MITD1: variants seen among roughly 807,000 people sequenced by gnomAD.
MITD1 encodes MIT domain-containing protein 1.
In MITD1, 24 loss-of-function variants were observed where a neutral mutation model predicts 34.9. That is an observed-to-expected ratio of 0.69 (90% CI 0.50 to 0.97). MITD1 has a LOEUF of 0.97. Ranked by LOEUF, MITD1 falls within the 50% of genes least tolerant of loss-of-function variation. The pLI is 0.00. For missense variants in MITD1, 266 were observed against 294.6 expected (o/e 0.90, Z 0.71); for synonymous variants, 102 against 101.4 (o/e 1.01, Z -0.04).
intron 1 of MITD1, among the ~76,000 whole-genome samples, chr2:99,174,873 G>C (rs2105223797): frequency 6.6e-6 from 1 of 152,216 alleles, no homozygotes; most frequent in Middle Eastern, 3.4e-3. Context: ...TTACAGGCGT[G>C]AGCCACCGTG....
chr2:99,165,607 T>C (rs1332040506), downstream of MITD1, among the ~76,000 whole-genome samples: 1 of 152,208 alleles, frequency 6.6e-6, no homozygotes, highest in Non-Finnish European at 1.5e-5. Flanking sequence ...ACTTTTATAA[T>C]TCATCTAAAG....
At position 99,181,046 on chromosome 2, in the gene MITD1, G is replaced by T; in HGVS notation, c.-65C>A. On this transcript the variant is annotated 5_prime_UTR_variant, in exon 1 of 7. Coordinates refer to ENST00000289359, the MANE Select transcript of MITD1 (RefSeq NM_138798.3). ...TTGAGCGGGTCTGCTGCGCTTCCGGGAAGTGGTCATGTGATACCCAGGCGC... is the reference window on the plus strand; with the variant it reads ...TTGAGCGGGTCTGCTGCGCTTCCGGTAAGTGGTCATGTGATACCCAGGCGC... 6.4e-7 allele frequency: 1 copy of T among 1,553,944 alleles called. No individual in the cohort carries two copies. The highest frequency in any genetic ancestry group is 8.7e-7 in the Non-Finnish European group (1 of 1,148,258).
At chr2:99,180,374 T>C (rs1332506544) in intron 1 of MITD1, among the ~76,000 whole-genome samples, 1 of 152,208 alleles carries the variant, frequency 6.6e-6, no homozygotes, top group Non-Finnish European at 1.5e-5. Context: ...TTAAGGAAAA[T>C]TAACTAAAGA....
intron 1 of MITD1, among the ~76,000 whole-genome samples, chr2:99,175,899 G>A (rs1053598272): frequency 2.0e-5 from 3 of 152,078 alleles, no homozygotes; most frequent in African/African-American, 4.8e-5. Flanking sequence ...TGTCAAGCCC[G>A]CATCGCTATT....
chr2:99,167,162 T>C (rs1463980493), downstream of MITD1, among the ~76,000 whole-genome samples: 1 of 152,066 alleles, frequency 6.6e-6, no homozygotes, highest in Non-Finnish European at 1.5e-5. Flanking sequence ...CCTATGCCCA[T>C]ACATTTTTAA....
chr2:99,178,139 A>G (rs1282189399), intron 1 of MITD1, among the ~76,000 whole-genome samples: 8 of 152,198 alleles, frequency 5.3e-5, no homozygotes, highest in South Asian at 2.1e-4. Context: ...ATAGTGCTGC[A>G]GTAAGCTTGG....
intron 2 of MITD1, chr2:99,173,339 G>A: frequency 2.7e-6 from 1 of 374,164 alleles, no homozygotes; most frequent in Non-Finnish European, 5.8e-6. Flanking sequence ...AGGTAAGGGT[G>A]GAAATGGCCA....
chr2:99,165,734 C>G (rs562212752), downstream of MITD1, among the ~76,000 whole-genome samples: 3 of 152,166 alleles, frequency 2.0e-5, no homozygotes, highest in African/African-American at 7.2e-5. Context: ...GTTTACTATA[C>G]TCTTTGCTGG....
In MITD1 at chr2:99,175,869, T is replaced by A. The variant is rs905051192; in HGVS notation, c.152-1853A>T. Among the ~76,000 whole-genome samples the A allele has an allele frequency of 5.3e-4, 81 of 152,362 alleles. 1 individual carries two copies. Among genetic ancestry groups the A allele is most frequent in the African/African-American group, 1.9e-3 (79 of 41,584 alleles). Reference sequence around the variant, plus strand: ...AGCTTTGGCTTTGACATCTCCTTCATGTTAGTTCCTGTGTCCTTTTGTCAA... The same window carrying A: ...AGCTTTGGCTTTGACATCTCCTTCAAGTTAGTTCCTGTGTCCTTTTGTCAA... On this transcript the variant is annotated intron_variant, in intron 1 of 6. Coordinates refer to ENST00000289359, the MANE Select transcript of MITD1 (RefSeq NM_138798.3).
intron 1 of MITD1, among the ~76,000 whole-genome samples, chr2:99,174,827 G>A (rs1457366094): frequency 6.6e-6 from 1 of 152,174 alleles, no homozygotes; most frequent in Non-Finnish European, 1.5e-5. Context: ...CTGACCTCAA[G>A]TGATCCTCCT....
intron 4 of MITD1, chr2:99,171,005 T>G (rs1574826688): frequency 3.5e-6 from 1 of 282,274 alleles, no homozygotes; most frequent in Non-Finnish European, 6.8e-6. Context: ...AGATGCCCAC[T>G]ACCATATCAT....
intron 7 of MITD1, chr2:99,162,641 G>A (rs1195335163): frequency 1.2e-6 from 2 of 1,614,128 alleles, no homozygotes; most frequent in South Asian, 2.2e-5. Context: ...AAGTACTAAT[G>A]AATGCTGTTG....
downstream of MITD1, among the ~76,000 whole-genome samples, chr2:99,165,285 T>C (rs947378192): frequency 6.6e-6 from 1 of 152,110 alleles, no homozygotes; most frequent in African/African-American, 2.4e-5. Context: ...CAGGCTGTTC[T>C]TGAACTCCTG....
At chr2:99,164,302 T>C (rs2093816119), downstream of MITD1, among the ~76,000 whole-genome samples, 1 of 146,292 alleles carries the variant, frequency 6.8e-6, no homozygotes, top group Admixed American at 6.8e-5. Context: ...CCAGCCCCCA[T>C]GGCCCCCCTC....
intron 1 of MITD1, among the ~76,000 whole-genome samples, chr2:99,178,738 G>A (rs1256806318): frequency 6.6e-6 from 1 of 152,136 alleles, no homozygotes; most frequent in African/African-American, 2.4e-5. Context: ...GACAAGCCCT[G>A]AAATGCAACT....
chr2:99,171,947 T>G, intron 2 of MITD1: 1 of 311,106 alleles, frequency 3.2e-6, no homozygotes, highest in East Asian at 6.7e-5. Flanking sequence ...GGCAGTTTGT[T>G]GAAGGGAGTA....
rs1235421374 is a variant in MITD1, at chr2:99,178,712, G to A, written c.151+2119C>T. Among the ~76,000 whole-genome samples, 4 of 152,078 alleles carry A rather than the reference G, an allele frequency of 2.6e-5. 1 individual carries two copies. Among genetic ancestry groups the A allele is most frequent in the Non-Finnish European group, 5.9e-5 (4 of 68,004 alleles). ...GCAAATAAATATCTGTGAGAAAAGA[G>A]CACATTCCTGAAAGAGACAAGCCCT... On this transcript the variant is annotated intron_variant, in intron 1 of 6. Coordinates refer to ENST00000289359, the MANE Select transcript of MITD1 (RefSeq NM_138798.3).
At chr2:99,162,438 A>T (rs1172991264) in intron 7 of MITD1, 3 of 1,614,024 alleles carry the variant, frequency 1.9e-6, no homozygotes, top group Non-Finnish European at 2.5e-6. Context: ...TGGACAGTTT[A>T]AAATCTCAGG....
intron 7 of MITD1, chr2:99,162,703 A>G (rs2105201873): frequency 6.2e-7 from 1 of 1,614,158 alleles, no homozygotes; most frequent in Non-Finnish European, 8.5e-7. Flanking sequence ...CACCTAATAA[A>G]CCCAACGGAT....
Sources: allele counts gnomAD v4.1 joint callset (sites outside exome capture counted in the v4.1 genomes callset), GRCh38; gene constraint gnomAD v4.1.1; transcripts MANE v1.5; gene names NCBI Gene and HGNC (gene_info 2026-07-23, HGNC 2026-07-21).